NLRP5: variants seen among roughly 807,000 people sequenced by gnomAD.
The protein encoded by NLRP5 is NLR family pyrin domain containing 5.
Under a neutral mutation model 113.1 loss-of-function variants are expected in NLRP5, and 93 were observed. That is an observed-to-expected ratio of 0.82 (90% confidence interval 0.70 to 0.98). The LOEUF (loss-of-function observed/expected upper bound fraction) is 0.98. Ranked by LOEUF, NLRP5 falls within the 50% of genes least tolerant of loss-of-function variation. NLRP5 has a pLI of 0.00. For missense variants in NLRP5, 1,808 were observed against 1,514.3 expected (o/e 1.19, Z -3.22); for synonymous variants, 751 against 600.7 (o/e 1.25, Z -3.66).
At position 56,009,735 on chromosome 19, in the gene NLRP5, A is replaced by G. The variant is rs536105375; in HGVS notation, c.508+882A>G. On this transcript the variant is annotated intron_variant, in intron 3 of 14. Transcript: ENST00000390649. ...CTCCTCTGCTACCTGCGCCGCTACC[A>G]TCTTGCTCAGCTCCCAGCAGCCAGT... 5.0e-4 allele frequency among the ~76,000 whole-genome samples: 76 copies of G among 152,166 alleles called. 1 individual carries two copies. The highest frequency in any genetic ancestry group is 1.7e-3 in the African/African-American group (71 of 41,440).
rs1213046401 is a variant in NLRP5, at chr19:56,028,181, G to A, written c.1948G>A (p.Glu650Lys). The stretch of plus-strand genomic sequence containing the variant: ...GAGCGAAGACGTAAGGAGGCCACTG[G>A]AGGTCCTGCTGGGCTGTCCCGTTCC... The change falls in exon 7 of 15, where the codon GAG (glutamate) becomes AAG (lysine). Residue 650 changes from glutamate (E) to lysine (K), a missense_variant. Physicochemically the swap from Glu to Lys is moderately conservative, Grantham distance 56. Transcript: ENST00000390649. 1.2e-6 allele frequency: 2 copies of A among 1,613,992 alleles called. No individual in the cohort carries two copies. The highest frequency in any genetic ancestry group is 1.7e-6 in the Non-Finnish European group (2 of 1,179,894).
At chr19:56,001,346 A>AAC (rs1406720256) in intron 1 of NLRP5, among the ~76,000 whole-genome samples, 6 of 150,838 alleles carry the variant, frequency 4.0e-5, no homozygotes, top group Non-Finnish European at 7.4e-5. Context: ...CAAACAAAAA[A>AAC]CACCACAGCT....
chr19:56,023,548 A>G lies in NLRP5; in HGVS notation c.679+3117A>G, dbSNP rs1044170159. On this transcript the variant is annotated intron_variant, in intron 6 of 14. Coordinates refer to ENST00000390649, the MANE Select transcript of NLRP5 (RefSeq NM_153447.4). ...CGGTGCGTTGAGTCCACACAAATTG[A>G]AGCGATGTGTAGACATCGTGTTAGA... 2.6e-5 allele frequency among the ~76,000 whole-genome samples: 4 copies of G among 152,324 alleles called. No homozygotes were observed. In the East Asian group the frequency reaches 7.7e-4, roughly 29 times the overall value.
rs946434215 is a variant in NLRP5, at chr19:56,035,909, G to A, written c.2616-2116G>A. On this transcript the variant is annotated intron_variant, in intron 9 of 14. Transcript: ENST00000390649. Reference sequence around the variant, plus strand: ...GTTGGAACTTCCTTTATTCAATAACGACAGATGCTTGATTCTGCGTATAGT... The same window carrying A: ...GTTGGAACTTCCTTTATTCAATAACAACAGATGCTTGATTCTGCGTATAGT... Among the ~76,000 whole-genome samples the A allele has an allele frequency of 5.9e-5, 9 of 152,118 alleles. No homozygotes were observed. In the South Asian group the frequency reaches 1.2e-3, roughly 21 times the overall value.
chr19:56,018,401 T>TGGTA (rs1982488908), intron 4 of NLRP5, among the ~76,000 whole-genome samples: 1 of 152,338 alleles, frequency 6.6e-6, no homozygotes, highest in South Asian at 2.1e-4. Flanking sequence ...TCTCAGTCAG[T>TGGTA]GGTAGCTACT....
chr19:56,050,366 C>T (rs1983885726), intron 11 of NLRP5, 52 bp from the exon 12 acceptor site: 27 of 1,559,920 alleles, frequency 1.7e-5, no homozygotes, highest in Admixed American at 5.2e-5. Flanking sequence ...CACTTGAGGC[C>T]ATGCTGGGGA....
At chr19:56,026,835 C>G (rs988006046) in intron 6 of NLRP5, 78 bp from the exon 7 acceptor site, 9 of 1,453,484 alleles carry the variant, frequency 6.2e-6, no homozygotes, top group African/African-American at 1.4e-5. Flanking sequence ...CTTGACCTCC[C>G]ACAGTGCTGG....
intron 4 of NLRP5, among the ~76,000 whole-genome samples, chr19:56,016,400 A>G (rs1184565525): frequency 6.6e-6 from 1 of 152,000 alleles, no homozygotes; most frequent in African/African-American, 2.4e-5. Flanking sequence ...TGATCCACCC[A>G]CCTCAGCCTC....
chr19:55,995,449 T>C (rs899483282), upstream of NLRP5, among the ~76,000 whole-genome samples: 10 of 152,200 alleles, frequency 6.6e-5, no homozygotes, highest in African/African-American at 2.4e-4. Flanking sequence ...TTCTGAATTA[T>C]CTATTCTGTT....
intron 3 of NLRP5, among the ~76,000 whole-genome samples, chr19:56,010,755 A>T (rs66524354): frequency 7.9e-6 from 1 of 126,004 alleles, no homozygotes. Flanking sequence ...AAAAAAAAAA[A>T]GTCCCTTGAA....
chr19:56,040,228 C>T (rs570878815), intron 10 of NLRP5, among the ~76,000 whole-genome samples: 44 of 152,226 alleles, frequency 2.9e-4, no homozygotes, highest in Non-Finnish European at 5.0e-4. Flanking sequence ...ATTACAAACA[C>T]AAACCACGGT....
chr19:55,989,120 G>A, the NLRP5 span, among the ~76,000 whole-genome samples: 2 of 152,140 alleles, frequency 1.3e-5, no homozygotes, highest in African/African-American at 2.4e-5. Context: ...CAGTGTTCAC[G>A]TGTACCTAGT....
chr19:56,045,426 T>A (rs1052071079), intron 11 of NLRP5, among the ~76,000 whole-genome samples: 6 of 152,174 alleles, frequency 3.9e-5, no homozygotes, highest in East Asian at 1.9e-4. Context: ...TTCTTTTTTT[T>A]ATTATACTTT....
intron 1 of NLRP5, among the ~76,000 whole-genome samples, chr19:56,000,375 GT>G (rs1158360611): frequency 2.6e-5 from 4 of 151,400 alleles, no homozygotes; most frequent in Non-Finnish European, 4.4e-5. Context: ...TTTTTTGTTT[GT>G]TTTTTTAAGA....
At chr19:56,053,890 A>G in intron 13 of NLRP5, 82 bp downstream of exon 13, 3 of 1,308,460 alleles carry the variant, frequency 2.3e-6, no homozygotes, top group Middle Eastern at 2.6e-4. Context: ...AACAGGGATG[A>G]TGATGATCTG....
intron 3 of NLRP5, among the ~76,000 whole-genome samples, chr19:56,013,591 T>G (rs1276977186): frequency 7.9e-6 from 1 of 125,808 alleles, no homozygotes; most frequent in Admixed American, 9.0e-5. Flanking sequence ...ATGATGGACA[T>G]TTGGGTTTTT....
intron 3 of NLRP5, among the ~76,000 whole-genome samples, chr19:56,010,742 C>CAAAAAAAAAAAAA (rs1412317286): frequency 1.5e-4 from 6 of 41,246 alleles, no homozygotes; most frequent in Admixed American, 3.1e-4. Context: ...AACTCTGTCT[C>CAAAAAAAAAAAAA]AAAAAAAAAA....
At chr19:56,056,248 C>T (rs1984146101) in intron 13 of NLRP5, among the ~76,000 whole-genome samples, 1 of 152,142 alleles carries the variant, frequency 6.6e-6, no homozygotes, top group Admixed American at 6.5e-5. Flanking sequence ...CCAGTACACA[C>T]TTCCTCCTGT....
chr19:56,016,281 G>A (rs940974489), intron 4 of NLRP5, among the ~76,000 whole-genome samples: 1 of 152,116 alleles, frequency 6.6e-6, no homozygotes, highest in Non-Finnish European at 1.5e-5. Context: ...AGCCTCTCAA[G>A]TAGCTGGGGC....
Sources: allele counts gnomAD v4.1 joint callset (sites outside exome capture counted in the v4.1 genomes callset), GRCh38; gene constraint gnomAD v4.1.1; transcripts MANE v1.5; gene names NCBI Gene and HGNC (gene_info 2026-07-23, HGNC 2026-07-21).